The following RNLS variants were observed in gnomAD, a reference collection of about 807,000 sequenced individuals.
The protein encoded by RNLS is renalase.
Under a neutral mutation model 39.8 loss-of-function variants are expected in RNLS, and 39 were observed. The observed-to-expected ratio is 0.98, with a 90% CI of 0.76 to 1.28. RNLS has a LOEUF of 1.28. Among genes scored for constraint, RNLS ranks in the 50% most tolerant of loss-of-function variants. RNLS has a pLI of 0.00. For missense variants in RNLS, 410 were observed against 413.3 expected, an observed-to-expected ratio of 0.99 and a Z score of 0.07; for synonymous variants, 147 against 150.7, an observed-to-expected ratio of 0.98 and a Z score of 0.18.
intron 4 of RNLS, among the ~76,000 whole-genome samples, chr10:88,534,743 G>A (rs1847640556): frequency 6.6e-6 from 1 of 152,154 alleles, no homozygotes; most frequent in Non-Finnish European, 1.5e-5. Flanking sequence ...TGTATTCTTA[G>A]AAAGGACCAA....
intron 3 of RNLS, among the ~76,000 whole-genome samples, chr10:88,578,103 T>A (rs1850316515): frequency 6.6e-6 from 1 of 152,180 alleles, no homozygotes; most frequent in African/African-American, 2.4e-5. Flanking sequence ...GTACAATATT[T>A]TTTAAACTAA....
chr10:88,463,970 C>G (rs1472452650), intron 4 of RNLS, among the ~76,000 whole-genome samples: 1 of 151,964 alleles, frequency 6.6e-6, no homozygotes, highest in African/African-American at 2.4e-5. Flanking sequence ...TGACCATCAT[C>G]TTAAACAAAC....
chr10:88,375,484 T>C (rs2133460630), intron 4 of RNLS, among the ~76,000 whole-genome samples: 1 of 152,316 alleles, frequency 6.6e-6, no homozygotes, highest in African/African-American at 2.4e-5. Context: ...CAAATGGTAG[T>C]ATTTCTATTG....
At chr10:88,260,505 A>C in the RNLS span, among the ~76,000 whole-genome samples, 1 of 152,232 alleles carries the variant, frequency 6.6e-6, no homozygotes, top group Non-Finnish European at 1.5e-5. Flanking sequence ...GACCACATCA[A>C]AGAACAAATA....
the RNLS span, among the ~76,000 whole-genome samples, chr10:88,194,480 A>G: frequency 6.6e-6 from 1 of 152,226 alleles, no homozygotes; most frequent in Non-Finnish European, 1.5e-5. Flanking sequence ...TCTTGGGCCA[A>G]TCACAAATGA....
intron 6 of RNLS, among the ~76,000 whole-genome samples, chr10:88,287,582 C>A (rs1449337714): frequency 3.9e-5 from 6 of 152,088 alleles, no homozygotes; most frequent in African/African-American, 1.4e-4. Context: ...TCTCACACTG[C>A]TATTAAGAAC....
chr10:88,363,259 G>A (rs1175672574), intron 4 of RNLS, among the ~76,000 whole-genome samples: 1 of 152,032 alleles, frequency 6.6e-6, no homozygotes, highest in African/African-American at 2.4e-5. Context: ...GGGGCATTGG[G>A]GAGGGACAGC....
chr10:88,563,696 T>C (rs901865027), intron 4 of RNLS, among the ~76,000 whole-genome samples: 1 of 152,148 alleles, frequency 6.6e-6, no homozygotes, highest in Non-Finnish European at 1.5e-5. Context: ...AGGAGTGGGA[T>C]GGTATACAGG....
downstream of RNLS, among the ~76,000 whole-genome samples, chr10:88,272,047 C>T (rs536343444): frequency 1.3e-5 from 2 of 152,308 alleles, no homozygotes; most frequent in Non-Finnish European, 2.9e-5. Flanking sequence ...CAGGGATATT[C>T]CCAGTGAGTC....
intron 4 of RNLS, among the ~76,000 whole-genome samples, chr10:88,551,952 G>T (rs922630147): frequency 7.2e-5 from 11 of 152,270 alleles, no homozygotes; most frequent in East Asian, 5.8e-4. Context: ...AGCAGCAAGG[G>T]AATGAAAACG....
the RNLS span, among the ~76,000 whole-genome samples, chr10:88,203,371 T>C: frequency 2.1e-3 from 3 of 1,436 alleles, 1 homozygote; most frequent in Non-Finnish European, 6.0e-3. Flanking sequence ...TGTGTGTGTA[T>C]ATATATATAT....
intron 4 of RNLS, among the ~76,000 whole-genome samples, chr10:88,417,105 G>C (rs1854077105): frequency 6.6e-6 from 1 of 152,206 alleles, no homozygotes; most frequent in African/African-American, 2.4e-5. Flanking sequence ...GATATGTTTG[G>C]AAAGGGGAGT....
At chr10:88,449,831 T>A (rs181372389) in intron 4 of RNLS, among the ~76,000 whole-genome samples, 56 of 152,312 alleles carry the variant, frequency 3.7e-4, no homozygotes, top group African/African-American at 1.2e-3. Context: ...ATTAATTTTT[T>A]AAGTATCTTT....
intron 5 of RNLS, among the ~76,000 whole-genome samples, chr10:88,332,345 T>G (rs1196962541): frequency 6.6e-6 from 1 of 152,296 alleles, no homozygotes; most frequent in South Asian, 2.1e-4. Context: ...TAAATACTTC[T>G]GAAATGATGG....
chr10:88,339,274 A>G (rs555464942), intron 5 of RNLS, among the ~76,000 whole-genome samples: 37 of 152,322 alleles, frequency 2.4e-4, no homozygotes, highest in Middle Eastern at 6.8e-3. Flanking sequence ...AGCTACAGCT[A>G]TTTTCTTTAT....
downstream of RNLS, among the ~76,000 whole-genome samples, chr10:88,272,049 C>T (rs896037253): frequency 1.3e-5 from 2 of 152,326 alleles, no homozygotes; most frequent in Admixed American, 6.5e-5. Flanking sequence ...GGGATATTCC[C>T]AGTGAGTCAA....
chr10:88,205,919 G>T, the RNLS span, among the ~76,000 whole-genome samples: 1 of 152,144 alleles, frequency 6.6e-6, no homozygotes, highest in Non-Finnish European at 1.5e-5. Flanking sequence ...TTCCAGGGCT[G>T]CTTTTGAAAT....
intron 4 of RNLS, among the ~76,000 whole-genome samples, chr10:88,386,361 G>A (rs1183416146): frequency 6.6e-6 from 1 of 152,110 alleles, no homozygotes; most frequent in African/African-American, 2.4e-5. Flanking sequence ...AAATTGGTTA[G>A]TTCTAAAGGT....
chr10:88,307,425 A>G (rs1250342532), intron 6 of RNLS, among the ~76,000 whole-genome samples: 1 of 152,188 alleles, frequency 6.6e-6, no homozygotes, highest in East Asian at 1.9e-4. Flanking sequence ...AGAAAACCTC[A>G]CTGTCAGCCC....
Sources: allele counts gnomAD v4.1 joint callset (sites outside exome capture counted in the v4.1 genomes callset), GRCh38; gene constraint gnomAD v4.1.1; transcripts MANE v1.5; gene names NCBI Gene and HGNC (gene_info 2026-07-23, HGNC 2026-07-21).